PIWIL1: variants seen among roughly 807,000 people sequenced by gnomAD.
The protein encoded by PIWIL1 is piwi-like protein 1.
In PIWIL1, 73 loss-of-function variants were observed where a neutral mutation model predicts 114.4. The observed-to-expected ratio is 0.64, with a 90% confidence interval of 0.53 to 0.78. The LOEUF is 0.78. PIWIL1 is among the 30% of genes least tolerant of loss of function. The pLI is 0.00. For missense variants in PIWIL1, 723 were observed against 1,063.1 expected, an observed-to-expected ratio of 0.68 and a Z score of 4.45; for synonymous variants, 375 against 369.0, an observed-to-expected ratio of 1.02 and a Z score of -0.19.
the PIWIL1 span, among the ~76,000 whole-genome samples, chr12:130,378,627 T>C: frequency 6.6e-6 from 1 of 152,218 alleles, no homozygotes; most frequent in Non-Finnish European, 1.5e-5. Context: ...CTCACCAGTA[T>C]TTGATGATGC....
At chr12:130,395,610 G>T in the PIWIL1 span, among the ~76,000 whole-genome samples, 1 of 152,064 alleles carries the variant, frequency 6.6e-6, no homozygotes, top group Non-Finnish European at 1.5e-5. Flanking sequence ...AATACTGTAG[G>T]TAAAAAGATA....
At chr12:130,422,553 C>A in the PIWIL1 span, 1 of 1,604,986 alleles carries the variant, frequency 6.2e-7, no homozygotes, top group African/African-American at 1.3e-5. The surrounding 1 kb of genome is among the most constrained non-coding windows in gnomAD (Gnocchi z 5.2). Flanking sequence ...AGGCTGGGTT[C>A]CCTAAAATCT....
chr12:130,395,860 G>A, the PIWIL1 span, among the ~76,000 whole-genome samples: 3 of 152,212 alleles, frequency 2.0e-5, 1 homozygote, highest in East Asian at 3.9e-4. Context: ...AGCTGCCAGA[G>A]GGAATTAACA....
chr12:130,397,646 G>T, the PIWIL1 span: 1 of 396,512 alleles, frequency 2.5e-6, no homozygotes, highest in East Asian at 3.6e-5. Flanking sequence ...ACCAGGAAAG[G>T]TCAGGGGGGT....
the PIWIL1 span, among the ~76,000 whole-genome samples, chr12:130,393,576 C>T: frequency 6.6e-6 from 1 of 152,222 alleles, no homozygotes; most frequent in African/African-American, 2.4e-5. Flanking sequence ...CAGTCACCAT[C>T]CTCACGTGTG....
the PIWIL1 span, among the ~76,000 whole-genome samples, chr12:130,377,913 G>A: frequency 6.6e-6 from 1 of 152,198 alleles, no homozygotes; most frequent in African/African-American, 2.4e-5. Flanking sequence ...AGCGGGAGTA[G>A]TACATGTACC....
the PIWIL1 span, among the ~76,000 whole-genome samples, chr12:130,402,927 G>GTGTT: frequency 1.4e-4 from 22 of 152,336 alleles, no homozygotes; most frequent in Admixed American, 3.3e-4. Flanking sequence ...ACACGATGGG[G>GTGTT]TGTTAGAAGT....
rs2073533406 is a variant in PIWIL1 at position 130,362,244 on chromosome 12, A to AG, written c.1971-520dup. Among the ~76,000 whole-genome samples, 3 of 152,262 alleles carry AG rather than the reference A, an allele frequency of 2.0e-5. No individual in the cohort carries two copies. In the South Asian group the frequency reaches 6.2e-4, roughly 32 times the overall value. On this transcript the variant is annotated intron_variant, in intron 16 of 20. Coordinates refer to ENST00000245255, the MANE Select transcript of PIWIL1 (RefSeq NM_004764.5). ...CTCCTCCCACCTTCCACCCCCAAGT[A>AG]GGCCCTGGTGTCTGTTGTCTTCTTT... is the stretch of plus-strand genomic sequence containing the variant.
chr12:130,412,828 T>C, the PIWIL1 span: 3 of 1,576,900 alleles, frequency 1.9e-6, no homozygotes, highest in East Asian at 2.2e-5. Flanking sequence ...CTGTAATTGA[T>C]TGGTTCAGAA....
the PIWIL1 span, among the ~76,000 whole-genome samples, chr12:130,415,528 A>G: frequency 2.6e-5 from 4 of 152,244 alleles, no homozygotes; most frequent in African/African-American, 9.6e-5. Flanking sequence ...TTCCTGTTCA[A>G]CACTGGAGTG....
At chr12:130,363,544 G>A (rs945019054) in intron 18 of PIWIL1, among the ~76,000 whole-genome samples, 4 of 148,522 alleles carry the variant, frequency 2.7e-5, no homozygotes, top group African/African-American at 9.8e-5. Flanking sequence ...GACTTGACTA[G>A]TGTTTGATCA....
the PIWIL1 span, chr12:130,397,778 G>A: frequency 1.2e-5 from 4 of 345,652 alleles, no homozygotes; most frequent in African/African-American, 2.1e-5. Flanking sequence ...GAGGGAGTGC[G>A]GGGTGGCCGT....
the PIWIL1 span, among the ~76,000 whole-genome samples, chr12:130,386,555 C>T: frequency 1.4e-5 from 1 of 71,820 alleles, no homozygotes; most frequent in Non-Finnish European, 2.7e-5. Flanking sequence ...TTCCTGTCTC[C>T]ATTCACCCAT....
At chr12:130,379,132 A>G in the PIWIL1 span, among the ~76,000 whole-genome samples, 1 of 152,272 alleles carries the variant, frequency 6.6e-6, no homozygotes, top group Non-Finnish European at 1.5e-5. Flanking sequence ...GGAAAAAAGT[A>G]TCTTCCTTAG....
chr12:130,372,597 C>CAAAAAAAAAAAAAAAAAA (rs60262232), exon 21 of PIWIL1: 1 of 67,880 alleles, frequency 1.5e-5, no homozygotes, highest in African/African-American at 6.9e-5. Context: ...GACTCCGTCT[C>CAAAAAAAAAAAAAAAAAA]AAAAAAAAAA....
chr12:130,372,856 A>G (rs1225268600), downstream of PIWIL1, among the ~76,000 whole-genome samples: 1 of 152,132 alleles, frequency 6.6e-6, no homozygotes, highest in Non-Finnish European at 1.5e-5. Context: ...AAGGCTTAAA[A>G]TTAATGAATT....
the PIWIL1 span, among the ~76,000 whole-genome samples, chr12:130,378,016 T>A: frequency 0.12 from 18,702 of 152,262 alleles, 2,036 homozygotes; most frequent in African/African-American, 0.29. Context: ...AAATCAACTG[T>A]ACTGAGGTCT....
At chr12:130,360,015 C>T (rs537329044) in intron 14 of PIWIL1, among the ~76,000 whole-genome samples, 20 of 152,304 alleles carry the variant, frequency 1.3e-4, no homozygotes, top group Admixed American at 7.8e-4. Context: ...CTGAAGACAG[C>T]AGCACATTGT....
chr12:130,418,654 A>C, the PIWIL1 span, among the ~76,000 whole-genome samples: 1 of 152,182 alleles, frequency 6.6e-6, no homozygotes, highest in African/African-American at 2.4e-5. Flanking sequence ...TGTGGCATCA[A>C]AACGTGCAGA....
Sources: allele counts gnomAD v4.1 joint callset (sites outside exome capture counted in the v4.1 genomes callset), GRCh38; gene constraint gnomAD v4.1.1; non-coding constraint Gnocchi (gnomAD v3.1); transcripts MANE v1.5; gene names NCBI Gene and HGNC (gene_info 2026-07-23, HGNC 2026-07-21).